The following DISC1 variants were observed in gnomAD, a reference collection of about 807,000 sequenced individuals.
DISC1 encodes the protein DISC1 scaffold protein.
In DISC1, 57 loss-of-function variants were observed where a neutral mutation model predicts 84.5. The ratio of observed to expected loss-of-function variants is 0.67; its 90% confidence interval spans 0.55 to 0.84. The LOEUF (loss-of-function observed/expected upper bound fraction) is 0.84, where lower values mean the gene tolerates loss of function less well. Ranked by LOEUF, DISC1 falls within the 40% of genes least tolerant of loss-of-function variation. The pLI, the probability that DISC1 is intolerant of heterozygous loss-of-function variation, is 0.00. For synonymous variants in DISC1, 411 were observed against 415.2 expected, an observed-to-expected ratio of 0.99 and a Z score of 0.12; for missense variants, 1,000 against 1,057.8, an observed-to-expected ratio of 0.95 and a Z score of 0.76.
intron 3 of DISC1, among the ~76,000 whole-genome samples, chr1:231,746,136 T>C (rs1573470872): frequency 1.3e-5 from 2 of 152,342 alleles, no homozygotes; most frequent in African/African-American, 4.8e-5. Context: ...GCCTCAGGTA[T>C]TCCTTTATAG....
At position 231,829,299 on chromosome 1, in the gene DISC1, G is replaced by A. The variant is rs116443613; in HGVS notation, c.1981+10782G>A. ...AAAAGATTATTAGTATAATAACAGA[G>A]TGGTATTTAATTCATGCCTTGTTTT... On this transcript the variant is annotated intron_variant, in intron 9 of 12. Coordinates refer to ENST00000439617, the MANE Select transcript of DISC1 (RefSeq NM_018662.3). Among the ~76,000 whole-genome samples, 899 of 152,264 alleles carry A rather than the reference G, an allele frequency of 5.9e-3. 12 individuals are homozygous for A. Among genetic ancestry groups the A allele is most frequent in the African/African-American group, 0.021 (861 of 41,540 alleles).
Position 232,009,569 on chromosome 1 carries a change from AT to A in DISC1, c.2307+521del. ...TTTTACCAAAACCAGATCATAATGAATGTTTATAATGTTCTTCTTTCATAAA... is the reference window on the plus strand; with the variant it reads ...TTTTACCAAAACCAGATCATAATGAAGTTTATAATGTTCTTCTTTCATAAA... On this transcript the variant is annotated intron_variant, in intron 11 of 12. Coordinates refer to ENST00000439617, the MANE Select transcript of DISC1 (RefSeq NM_018662.3). This position sits in a 1 kb window ranked among gnomAD's most constrained non-coding sequence, Gnocchi z 4.6. The A allele has an allele frequency of 1.1e-6, 1 of 919,634 alleles. No homozygotes were observed. Among genetic ancestry groups the A allele is most frequent in the Non-Finnish European group, 1.3e-6 (1 of 770,206 alleles). The allele number at this position is 919,634 out of a possible 1,614,324, so 57.0% of individuals were successfully genotyped here. A position where few individuals can be genotyped will look rare whatever the true frequency, so the allele number is the denominator to read the frequency against.
intron 10 of DISC1, among the ~76,000 whole-genome samples, chr1:231,985,575 G>T (rs1015810393): frequency 6.6e-6 from 1 of 152,166 alleles, no homozygotes; most frequent in Non-Finnish European, 1.5e-5. Flanking sequence ...GTGTGTATGC[G>T]TGTGGGTACA....
At chr1:231,723,783 G>A (rs1393661994) in intron 3 of DISC1, 3 of 985,330 alleles carry the variant, frequency 3.0e-6, no homozygotes, top group East Asian at 1.1e-4. Context: ...GGCAAGAACC[G>A]ATGTTTCATT....
At chr1:231,653,988 A>G (rs1168184445) in intron 1 of DISC1, among the ~76,000 whole-genome samples, 5 of 152,216 alleles carry the variant, frequency 3.3e-5, no homozygotes, top group Admixed American at 3.3e-4. Context: ...TGGGTGGGCA[A>G]GGTGGAGGTT....
At chr1:231,795,430 C>A in intron 7 of DISC1, 134 bp downstream of exon 7, 2 of 748,312 alleles carry the variant, frequency 2.7e-6, no homozygotes, top group Non-Finnish European at 4.5e-6. Flanking sequence ...TTTGCAGGCC[C>A]AATGATGAGT....
chr1:231,869,192 TGAAG>T (rs1215453081), intron 9 of DISC1, among the ~76,000 whole-genome samples: 1 of 152,086 alleles, frequency 6.6e-6, no homozygotes, highest in Non-Finnish European at 1.5e-5. Context: ...TGAAAAGTGG[TGAAG>T]GAAGAAGATG....
chr1:231,952,638 A>G (rs1658640108), intron 9 of DISC1, among the ~76,000 whole-genome samples: 1 of 149,676 alleles, frequency 6.7e-6, no homozygotes, highest in African/African-American at 2.4e-5. Flanking sequence ...TCATTTTCTC[A>G]TTGCAACCTA....
Position 231,784,631 on chromosome 1 carries a change from A to T in DISC1, c.1635-10611A>T, listed in dbSNP as rs1396139542. ...TCTTACTATAATCCAGGTATGGTAT[A>T]TGTCTGCATGATTTATGAAATGGTC... On this transcript the variant is annotated intron_variant, in intron 6 of 12. Transcript: ENST00000439617. Among the ~76,000 whole-genome samples the T allele has an allele frequency of 3.9e-5, 6 of 152,336 alleles. No homozygotes were observed. The East Asian group carries it at 1.2e-3, about 29-fold the overall frequency.
chr1:231,743,719 G>C (rs1334495761), intron 3 of DISC1, among the ~76,000 whole-genome samples: 2 of 152,212 alleles, frequency 1.3e-5, no homozygotes, highest in African/African-American at 4.8e-5. Flanking sequence ...TCTGAAGAAG[G>C]TGGCACAGAC....
intron 12 of DISC1, among the ~76,000 whole-genome samples, chr1:232,029,915 CT>C (rs1243247319): frequency 6.6e-6 from 1 of 152,176 alleles, no homozygotes; most frequent in Admixed American, 6.5e-5. Context: ...GTGTCTCCTA[CT>C]TTTATTAAGA....
chr1:231,768,467 C>T (rs113681620), intron 5 of DISC1, among the ~76,000 whole-genome samples: 35 of 152,268 alleles, frequency 2.3e-4, no homozygotes, highest in African/African-American at 6.5e-4. Flanking sequence ...ATCATTATAA[C>T]GTTTGGATAG....
Position 231,694,411 on chromosome 1 carries a change from G to A in DISC1, c.653G>A (p.Gly218Asp), listed in dbSNP as rs2065397142. The A allele has an allele frequency of 1.2e-6, 2 of 1,614,254 alleles. No individual in the cohort carries two copies. Among genetic ancestry groups the A allele is most frequent in the Non-Finnish European group, 1.7e-6 (2 of 1,180,050 alleles). ...SSFSFIRLSL[G>D]SAGERGEAEG... Reference sequence around the variant, plus strand: ...TTTAGCTTTATTCGGCTCTCGCTTGGCTCTGCCGGGGAACGTGGAGAAGCA... The same window carrying A: ...TTTAGCTTTATTCGGCTCTCGCTTGACTCTGCCGGGGAACGTGGAGAAGCA... The change falls in exon 2 of 13, where the codon GGC becomes GAC. Residue 218 changes from glycine (G) to aspartate (D), a missense_variant. Gly to Asp is a moderately conservative substitution (Grantham distance 94, BLOSUM62 -1). This residue lies in a region of DISC1 where 311 missense variants were observed against 400.1 expected (regional missense o/e 0.78). Coordinates refer to ENST00000439617, the MANE Select transcript of DISC1 (RefSeq NM_018662.3).
intron 9 of DISC1, among the ~76,000 whole-genome samples, chr1:231,936,970 C>T (rs1204933505): frequency 6.6e-6 from 1 of 152,172 alleles, no homozygotes; most frequent in South Asian, 2.1e-4. Flanking sequence ...CTCCAACTGA[C>T]ATATTTATAA....
Position 231,867,048 on chromosome 1 carries a change from G to A in DISC1, c.1981+48531G>A, listed in dbSNP as rs371823383. On this transcript the variant is annotated intron_variant, in intron 9 of 12. Transcript: ENST00000439617. ...AACACAATTACATTCCTTCTTGATA[G>A]CATCACCAGTCTTCTTGAGGCCTGG... Among the ~76,000 whole-genome samples the A allele has an allele frequency of 2.1e-4, 32 of 152,280 alleles. No homozygotes were observed. The Middle Eastern group carries it at 0.01, about 49-fold the overall frequency.
At chr1:232,006,062 A>G (rs1203435792) in intron 10 of DISC1, among the ~76,000 whole-genome samples, 2 of 152,238 alleles carry the variant, frequency 1.3e-5, no homozygotes, top group Non-Finnish European at 2.9e-5. Context: ...AACTAGCCAC[A>G]GTCACTCCTT....
chr1:231,728,767 A>C (rs538218565), intron 3 of DISC1, among the ~76,000 whole-genome samples: 1 of 152,350 alleles, frequency 6.6e-6, no homozygotes, highest in South Asian at 2.1e-4. Context: ...AGTTTGAGAA[A>C]GTACTTCTAA....
intron 9 of DISC1, among the ~76,000 whole-genome samples, chr1:231,857,500 C>T (rs546273040): frequency 6.6e-6 from 1 of 152,254 alleles, no homozygotes; most frequent in South Asian, 2.1e-4. Context: ...CCCTGCCATG[C>T]CATTTAAACA....
At chr1:231,649,446 T>C (rs981687241) in intron 1 of DISC1, among the ~76,000 whole-genome samples, 4 of 152,214 alleles carry the variant, frequency 2.6e-5, no homozygotes, top group African/African-American at 9.7e-5. Flanking sequence ...TTCTGTTCTT[T>C]TACATTTTCT....
Sources: gnomAD v4.1 joint callset for allele counts (sites outside exome capture counted in the v4.1 genomes callset) on GRCh38, gnomAD v4.1.1 for gene constraint, gnomAD v4.1.1 regional missense constraint, Gnocchi (gnomAD v3.1) non-coding constraint, MANE v1.5 for transcripts, NCBI Gene and HGNC (gene_info 2026-07-23, HGNC 2026-07-21) for gene names.